PLEKHH2: variants seen among roughly 807,000 people sequenced by gnomAD.
PLEKHH2 encodes the protein pleckstrin homology domain-containing family H member 2.
A neutral mutation model predicts 187.9 loss-of-function variants in PLEKHH2; 129 were observed. The ratio of observed to expected loss-of-function variants is 0.69; its 90% CI spans 0.59 to 0.79. The LOEUF (loss-of-function observed/expected upper bound fraction) is 0.79, where lower values mean the gene tolerates loss of function less well. Among genes scored for constraint, PLEKHH2 ranks in the 30% least tolerant of loss-of-function variants. PLEKHH2 has a pLI of 0.00. For synonymous variants in PLEKHH2, 686 were observed against 605.6 expected, an observed-to-expected ratio of 1.13 and a Z score of -1.95; for missense variants, 2,076 against 1,751.2, an observed-to-expected ratio of 1.19 and a Z score of -3.31.
chr2:43,722,751 C>T (rs1670543060), intron 16 of PLEKHH2, among the ~76,000 whole-genome samples: 1 of 152,054 alleles, frequency 6.6e-6, no homozygotes, highest in African/African-American at 2.4e-5. Flanking sequence ...TTTTAAAATC[C>T]TTTCCATACT....
At chr2:43,729,846 G>T (rs1417920450) in intron 18 of PLEKHH2, 101 bp downstream of exon 18, 5 of 668,510 alleles carry the variant, frequency 7.5e-6, no homozygotes, top group Admixed American at 3.7e-5. Context: ...CTGTTTCCCT[G>T]AAATATACCC....
chr2:43,721,198 G>A (rs1201052218), intron 16 of PLEKHH2, among the ~76,000 whole-genome samples: 1 of 152,112 alleles, frequency 6.6e-6, no homozygotes, highest in Non-Finnish European at 1.5e-5. Context: ...GTTTATTAAT[G>A]TTTAAACTAA....
chr2:43,699,813 C>T lies in PLEKHH2; in HGVS notation c.855C>T (p.Asp285=), dbSNP rs143928845. The T allele has an allele frequency of 6.2e-7, 1 of 1,611,674 alleles. No individual in the cohort carries two copies. The highest frequency in any genetic ancestry group is 8.5e-7 in the Non-Finnish European group (1 of 1,177,830). ...ISQNSGAPVS[D]WSSDEEDGSK... Reference sequence around the variant, plus strand: ...AGAATTCTGGGGCTCCTGTGAGTGACTGGAGCTCTGATGAGGAAGACGGGA... The same window carrying T: ...AGAATTCTGGGGCTCCTGTGAGTGATTGGAGCTCTGATGAGGAAGACGGGA... The change falls in exon 8 of 30, where the codon GAC becomes GAT. Residue 285 remains aspartate (D), a synonymous_variant. Transcript: ENST00000282406.
At chr2:43,697,100 A>G (rs1218574671) in intron 6 of PLEKHH2, 71 bp from the exon 7 acceptor site, 4 of 1,279,170 alleles carry the variant, frequency 3.1e-6, no homozygotes, top group Non-Finnish European at 4.2e-6. Flanking sequence ...AAGTTTTTAT[A>G]TGCCTTGGTT....
At chr2:43,710,382 A>G (rs757481820) in intron 13 of PLEKHH2, 52 bp downstream of exon 13, 116 of 1,591,168 alleles carry the variant, frequency 7.3e-5, no homozygotes, top group Non-Finnish European at 9.7e-5. Flanking sequence ...ACTATAAATC[A>G]GACGCCTGAT....
chr2:43,674,165 T>G (rs1018646566), intron 2 of PLEKHH2, among the ~76,000 whole-genome samples: 1 of 152,196 alleles, frequency 6.6e-6, no homozygotes, highest in Admixed American at 6.5e-5. Flanking sequence ...TTATCCTTCC[T>G]GTTATCACTA....
Position 43,644,701 on chromosome 2 carries a change from C to A in PLEKHH2, c.28C>A (p.Pro10Thr). Residue 10 changes from proline (P) to threonine (T), a missense_variant, in exon 2 of 30, where the codon CCA becomes ACA. By Grantham distance (38) the Pro-to-Thr change is conservative. Transcript: ENST00000282406. MAELSEPEG[P>T]VDWKERCVAL... The stretch of plus-strand genomic sequence containing the variant: ...GGCAGAGCTTTCTGAGCCAGAGGGA[C>A]CAGTAGATTGGAAGGAACGATGTGT... 1 of 1,604,700 alleles carries A rather than the reference C, an allele frequency of 6.2e-7. No homozygotes were observed. Among genetic ancestry groups the A allele is most frequent in the South Asian group, 1.1e-5 (1 of 89,780 alleles).
intron 3 of PLEKHH2, among the ~76,000 whole-genome samples, chr2:43,690,224 AC>A (rs1285913906): frequency 1.1e-4 from 17 of 152,344 alleles, no homozygotes; most frequent in Middle Eastern, 3.4e-3. Flanking sequence ...TCTGATGCAG[AC>A]CTTTGTCTTG....
chr2:43,706,237 T>C, intron 9 of PLEKHH2, 85 bp from the exon 10 acceptor site: 1 of 915,472 alleles, frequency 1.1e-6, no homozygotes, highest in African/African-American at 1.7e-5. Flanking sequence ...TAAATGGAGA[T>C]TATGCTCATT....
intron 2 of PLEKHH2, among the ~76,000 whole-genome samples, chr2:43,670,623 AT>A (rs70965313): frequency 0.14 from 21,105 of 149,792 alleles, 1,612 homozygotes; most frequent in African/African-American, 0.2. Flanking sequence ...GAATATTCTA[AT>A]TTTTTTTTTT....
intron 3 of PLEKHH2, among the ~76,000 whole-genome samples, chr2:43,683,318 T>C (rs999291109): frequency 2.6e-5 from 4 of 152,032 alleles, no homozygotes; most frequent in African/African-American, 9.7e-5. Context: ...TTTGTATTTT[T>C]AGTAGAGATG....
At chr2:43,672,009 T>C (rs1276127242) in intron 2 of PLEKHH2, among the ~76,000 whole-genome samples, 3 of 152,214 alleles carry the variant, frequency 2.0e-5, no homozygotes, top group African/African-American at 7.2e-5. Context: ...CTTCTATACA[T>C]TTTTGGGTAG....
intron 3 of PLEKHH2, chr2:43,681,734 A>G (rs1025840555): frequency 2.0e-6 from 1 of 490,426 alleles, no homozygotes; most frequent in Non-Finnish European, 3.6e-6. Context: ...GATGCCCCAG[A>G]CACCCCATTC....
chr2:43,652,838 G>A (rs1252929738), intron 2 of PLEKHH2, among the ~76,000 whole-genome samples: 1 of 152,146 alleles, frequency 6.6e-6, no homozygotes, highest in Non-Finnish European at 1.5e-5. Context: ...AAAACAAAAT[G>A]AGCAAAACTC....
intron 16 of PLEKHH2, among the ~76,000 whole-genome samples, chr2:43,725,154 C>T (rs1670678549): frequency 6.6e-6 from 1 of 152,156 alleles, no homozygotes; most frequent in Non-Finnish European, 1.5e-5. Flanking sequence ...GGTGTGCTAT[C>T]TGTACAGAGC....
chr2:43,693,560 T>C (rs1385743790), intron 4 of PLEKHH2, among the ~76,000 whole-genome samples: 1 of 151,718 alleles, frequency 6.6e-6, no homozygotes, highest in Non-Finnish European at 1.5e-5. Flanking sequence ...CCGTCTCTGC[T>C]AAAAGTACAA....
chr2:43,717,477 G>A (rs1021075633), intron 15 of PLEKHH2, among the ~76,000 whole-genome samples: 5 of 152,136 alleles, frequency 3.3e-5, no homozygotes, highest in African/African-American at 1.2e-4. Flanking sequence ...GTAAGTGAGA[G>A]GGGGAGGGAA....
At chr2:43,637,912 T>C (rs1703190581) in intron 1 of PLEKHH2, among the ~76,000 whole-genome samples, 1 of 152,170 alleles carries the variant, frequency 6.6e-6, no homozygotes, top group African/African-American at 2.4e-5. Context: ...GAAACCACTG[T>C]CCCCGAAGTT....
intron 18 of PLEKHH2, among the ~76,000 whole-genome samples, chr2:43,730,142 A>G (rs1353438896): frequency 6.6e-6 from 1 of 152,146 alleles, no homozygotes; most frequent in Non-Finnish European, 1.5e-5. Flanking sequence ...TTTGTCACTT[A>G]ATTCTTTTAT....
Sources: allele counts gnomAD v4.1 joint callset (sites outside exome capture counted in the v4.1 genomes callset), GRCh38; gene constraint gnomAD v4.1.1; transcripts MANE v1.5; gene names NCBI Gene and HGNC (gene_info 2026-07-23, HGNC 2026-07-21).